PCDHGA4: variants seen among roughly 807,000 people sequenced by gnomAD.
PCDHGA4 encodes the protein protocadherin gamma subfamily A, 4.
A neutral mutation model predicts 54.6 loss-of-function variants in PCDHGA4; 38 were observed. The observed-to-expected ratio is 0.70, with a 90% CI of 0.54 to 0.91. The LOEUF is 0.91. PCDHGA4 is among the 40% of genes least tolerant of loss of function. The pLI is 0.00. For synonymous variants in PCDHGA4, 511 were observed against 512.9 expected, an observed-to-expected ratio of 1.00 and a Z score of 0.05; for missense variants, 1,298 against 1,220.9, an observed-to-expected ratio of 1.06 and a Z score of -0.94.
intron 1 of PCDHGA4, chr5:141,371,677 G>A (rs751155238): frequency 1.9e-6 from 3 of 1,613,896 alleles, no homozygotes; most frequent in Non-Finnish European, 2.5e-6. Context: ...ACCGACAAAG[G>A]CAATCCACCG....
At chr5:141,419,302 C>T in intron 1 of PCDHGA4, 1 of 1,614,024 alleles carries the variant, frequency 6.2e-7, no homozygotes, top group East Asian at 2.2e-5. Context: ...ACCCAGACTT[C>T]GGGCTCAACG....
intron 1 of PCDHGA4, chr5:141,379,437 A>G (rs1344530566): frequency 6.6e-6 from 1 of 152,252 alleles, no homozygotes; most frequent in Non-Finnish European, 1.5e-5. Context: ...GGGCTGTTAT[A>G]CATATGATTA....
At chr5:141,406,173 T>C (rs1317526026) in intron 1 of PCDHGA4, among the ~76,000 whole-genome samples, 2 of 151,712 alleles carry the variant, frequency 1.3e-5, no homozygotes, top group African/African-American at 4.8e-5. Context: ...CCTGGGCTTA[T>C]GCAATCCTCC....
chr5:141,447,854 G>A (rs1480134238), intron 1 of PCDHGA4, among the ~76,000 whole-genome samples: 1 of 152,200 alleles, frequency 6.6e-6, no homozygotes, highest in Non-Finnish European at 1.5e-5. Flanking sequence ...GGGAGGCCGA[G>A]GTGGGTGAAT....
At chr5:141,488,217 A>G (rs537136341) in intron 1 of PCDHGA4, among the ~76,000 whole-genome samples, 2 of 152,274 alleles carry the variant, frequency 1.3e-5, no homozygotes, top group East Asian at 1.9e-4. Flanking sequence ...TCAAGTCCCT[A>G]CTGGGGATTT....
At chr5:141,427,120 TC>T (rs1212765591) in intron 1 of PCDHGA4, 1 of 457,342 alleles carries the variant, frequency 2.2e-6, no homozygotes, top group African/African-American at 2.0e-5. Context: ...ACCTACTCTT[TC>T]AAATCCCTAC....
chr5:141,419,395 G>T (rs374575981), intron 1 of PCDHGA4: 50 of 1,613,478 alleles, frequency 3.1e-5, no homozygotes, highest in Non-Finnish European at 4.0e-5. Flanking sequence ...CGCAGAGCGG[G>T]GTGGTGTTCG....
intron 1 of PCDHGA4, chr5:141,374,093 C>T (rs1039229802): frequency 6.4e-7 from 1 of 1,554,822 alleles, no homozygotes; most frequent in Middle Eastern, 1.8e-4. Context: ...AATGGCGCCT[C>T]CGCAGAGGCA....
At chr5:141,469,233 C>T (rs2099194657) in intron 1 of PCDHGA4, among the ~76,000 whole-genome samples, 1 of 149,878 alleles carries the variant, frequency 6.7e-6, no homozygotes, top group African/African-American at 2.5e-5. Context: ...GCCATGATCA[C>T]CCCACTGCAC....
Position 141,383,322 on chromosome 5 carries a change from A to G in PCDHGA4, c.2514+25701A>G, listed in dbSNP as rs369432251. 6.8e-6 allele frequency: 11 copies of G among 1,613,876 alleles called. No homozygotes were observed. The African/African-American group carries it at 1.3e-4, about 20-fold the overall frequency. ...TCTTGACGGAAGAAATAAATGTAAA[A>G]ATAATGGAGAATACAGCTCCTGGGG... is the stretch of plus-strand genomic sequence containing the variant. On this transcript the variant is annotated intron_variant, in intron 1 of 3. Coordinates refer to ENST00000571252, the MANE Select transcript of PCDHGA4 (RefSeq NM_018917.4).
intron 1 of PCDHGA4, chr5:141,420,085 C>T: frequency 1.2e-6 from 2 of 1,614,028 alleles, no homozygotes; most frequent in Middle Eastern, 1.6e-4. Context: ...GTCCCCCCAA[C>T]TACAGTGAGG....
At chr5:141,375,214 C>T (rs750367246) in intron 1 of PCDHGA4, 2 of 1,613,928 alleles carry the variant, frequency 1.2e-6, no homozygotes, top group Non-Finnish European at 1.7e-6. Context: ...GAGACTCTGG[C>T]CTGAATGGCC....
chr5:141,428,204 C>G, intron 1 of PCDHGA4: 2 of 1,324,722 alleles, frequency 1.5e-6, no homozygotes, highest in Non-Finnish European at 1.1e-6. Context: ...TGCGCCGCTA[C>G]GCTTCACCTA....
In PCDHGA4 at chr5:141,433,401, A is replaced by ATCTC. The variant is rs1554126038; in HGVS notation, c.2515-61403_2515-61402insCTCT. On this transcript the variant is annotated intron_variant, in intron 1 of 3. Transcript: ENST00000571252. ...TATCTATCTATCTATCTATCTATCT[A>ATCTC]TCTATTACTTTCTTGTACAGACAGG... Among the ~76,000 whole-genome samples, 677 of 150,598 alleles carry ATCTC rather than the reference A, an allele frequency of 4.5e-3. 6 individuals are homozygous for ATCTC. Among genetic ancestry groups the ATCTC allele is most frequent in the African/African-American group, 0.015 (630 of 40,958 alleles).
At chr5:141,438,579 CAT>C (rs2097974137) in intron 1 of PCDHGA4, among the ~76,000 whole-genome samples, 1 of 55,780 alleles carries the variant, frequency 1.8e-5, no homozygotes, top group Admixed American at 2.8e-4. Context: ...GATATACATA[CAT>C]ACATACATAC....
chr5:141,366,145 CT>C, intron 1 of PCDHGA4: 1 of 1,614,192 alleles, frequency 6.2e-7, no homozygotes, highest in East Asian at 2.2e-5. Flanking sequence ...CCTGGCTGTC[CT>C]ACCGCCTGCT....
chr5:141,395,209 A>G, intron 1 of PCDHGA4: 1 of 1,613,372 alleles, frequency 6.2e-7, no homozygotes, highest in Non-Finnish European at 8.5e-7. Flanking sequence ...GATTTTCATG[A>G]ATATAAGAAT....
intron 1 of PCDHGA4, among the ~76,000 whole-genome samples, chr5:141,386,804 A>T (rs976518864): frequency 6.6e-6 from 1 of 152,238 alleles, no homozygotes; most frequent in Non-Finnish European, 1.5e-5. Context: ...AATTTATTAG[A>T]TGCATAAAAT....
At chr5:141,375,177 T>C in intron 1 of PCDHGA4, 1 of 1,614,004 alleles carries the variant, frequency 6.2e-7, no homozygotes, top group Non-Finnish European at 8.5e-7. Flanking sequence ...CCAGGAACAG[T>C]AATCGCCCTT....
Sources: gnomAD v4.1 joint callset for allele counts (sites outside exome capture counted in the v4.1 genomes callset) on GRCh38, gnomAD v4.1.1 for gene constraint, MANE v1.5 for transcripts, NCBI Gene and HGNC (gene_info 2026-07-23, HGNC 2026-07-21) for gene names.